The following IQGAP2 variants were observed in gnomAD, a reference collection of about 807,000 sequenced individuals.
IQGAP2 encodes ras GTPase-activating-like protein IQGAP2.
Under a neutral mutation model 201.3 loss-of-function variants are expected in IQGAP2, and 173 were observed. That is an observed-to-expected ratio of 0.86 (90% CI 0.76 to 0.98). The LOEUF (loss-of-function observed/expected upper bound fraction) is 0.98, where lower values mean the gene tolerates loss of function less well. Ranked by LOEUF, IQGAP2 falls within the 50% of genes least tolerant of loss-of-function variation. IQGAP2 has a pLI of 0.00. For missense variants in IQGAP2, 1,687 were observed against 1,864.8 expected, an observed-to-expected ratio of 0.90 and a Z score of 1.76; for synonymous variants, 675 against 673.9, an observed-to-expected ratio of 1.00 and a Z score of -0.03.
At chr5:76,466,450 C>A in intron 2 of IQGAP2, among the ~76,000 whole-genome samples, 1 of 152,170 alleles carries the variant, frequency 6.6e-6, no homozygotes, top group Admixed American at 6.5e-5. Context: ...TCAAAACGTA[C>A]TTACAAAGCC....
chr5:76,509,027 A>ATG (rs1213839028), intron 2 of IQGAP2, among the ~76,000 whole-genome samples: 3 of 83,708 alleles, frequency 3.6e-5, no homozygotes, highest in Non-Finnish European at 7.6e-5. Context: ...GGCTGTATAT[A>ATG]TATGTGTGTG....
intron 2 of IQGAP2, among the ~76,000 whole-genome samples, chr5:76,481,113 C>G (rs1183547668): frequency 2.0e-5 from 3 of 152,262 alleles, no homozygotes; most frequent in East Asian, 1.9e-4. Flanking sequence ...GGATCCACCT[C>G]TTAATGCTAT....
chr5:76,597,804 A>G (rs992392043), intron 10 of IQGAP2, among the ~76,000 whole-genome samples: 5 of 152,230 alleles, frequency 3.3e-5, no homozygotes, highest in Non-Finnish European at 5.9e-5. Flanking sequence ...ATCTAAGAGC[A>G]TAGTTAGGAA....
At chr5:76,594,005 G>C (rs967235535) in intron 9 of IQGAP2, among the ~76,000 whole-genome samples, 2 of 152,202 alleles carry the variant, frequency 1.3e-5, no homozygotes, top group Admixed American at 1.3e-4. Context: ...GAATGTGTTT[G>C]AGAATATGCC....
At chr5:76,539,020 T>C (rs960183534) in intron 2 of IQGAP2, among the ~76,000 whole-genome samples, 2 of 152,194 alleles carry the variant, frequency 1.3e-5, no homozygotes, top group African/African-American at 4.8e-5. Flanking sequence ...TCAGCCTCGT[T>C]TGTGAGCAGC....
intron 15 of IQGAP2, among the ~76,000 whole-genome samples, chr5:76,634,996 C>G (rs1561535020): frequency 6.6e-6 from 1 of 152,212 alleles, no homozygotes; most frequent in South Asian, 2.1e-4. Context: ...TACATTCAAA[C>G]TAGATGTGAA....
At chr5:76,429,023 G>A (rs1189651605) in intron 1 of IQGAP2, among the ~76,000 whole-genome samples, 2 of 150,560 alleles carry the variant, frequency 1.3e-5, no homozygotes, top group African/African-American at 4.9e-5. Flanking sequence ...AGGTTTCAGT[G>A]AGCCAAGATT....
chr5:76,423,106 A>G (rs1034055893), intron 1 of IQGAP2, among the ~76,000 whole-genome samples: 3 of 152,214 alleles, frequency 2.0e-5, no homozygotes, highest in Non-Finnish European at 4.4e-5. Flanking sequence ...GGATTTATCC[A>G]TTTTATTAGT....
At chr5:76,674,228 T>C (rs1392177344) in intron 26 of IQGAP2, among the ~76,000 whole-genome samples, 192 bp downstream of exon 26, 3 of 152,234 alleles carry the variant, frequency 2.0e-5, no homozygotes, top group Non-Finnish European at 4.4e-5. Flanking sequence ...TTATTGAAAT[T>C]CTTTGCATTA....
chr5:76,561,984 A>G (rs1043880119), intron 2 of IQGAP2, among the ~76,000 whole-genome samples: 5 of 152,196 alleles, frequency 3.3e-5, no homozygotes, highest in Non-Finnish European at 7.3e-5. Flanking sequence ...ACTTGGGACT[A>G]TGCACTCCCT....
chr5:76,626,978 C>T (rs1013259789), intron 13 of IQGAP2, among the ~76,000 whole-genome samples: 8 of 152,118 alleles, frequency 5.3e-5, no homozygotes, highest in South Asian at 2.1e-4. Context: ...AGGGCCATGC[C>T]GTTGGAGCCC....
chr5:76,659,104 T>C (rs1167617412), intron 21 of IQGAP2, among the ~76,000 whole-genome samples: 1 of 152,214 alleles, frequency 6.6e-6, no homozygotes. Flanking sequence ...CTAAGTTCAT[T>C]TGGAATCTAA....
intron 2 of IQGAP2, among the ~76,000 whole-genome samples, chr5:76,517,311 C>T (rs1368568555): frequency 6.6e-6 from 1 of 152,112 alleles, no homozygotes; most frequent in Non-Finnish European, 1.5e-5. Flanking sequence ...AGTACCAACT[C>T]ATATATTCCT....
intron 2 of IQGAP2, among the ~76,000 whole-genome samples, chr5:76,549,145 C>T (rs961304139): frequency 6.6e-6 from 1 of 152,064 alleles, no homozygotes; most frequent in African/African-American, 2.4e-5. Flanking sequence ...ATGAAAGGTA[C>T]CTACTATATG....
intron 12 of IQGAP2, 66 bp from the exon 13 acceptor site, chr5:76,610,954 T>A: frequency 7.4e-7 from 1 of 1,347,010 alleles, no homozygotes; most frequent in South Asian, 1.4e-5. Flanking sequence ...CCTTTTGCAA[T>A]CGGTGATACT....
intron 5 of IQGAP2, among the ~76,000 whole-genome samples, chr5:76,585,508 T>C (rs143314721): frequency 1.3e-5 from 2 of 151,162 alleles, no homozygotes; most frequent in East Asian, 3.9e-4. Flanking sequence ...CATTTCTTTT[T>C]TTCTTTTTTT....
At chr5:76,443,595 G>T (rs7737728) in intron 1 of IQGAP2, among the ~76,000 whole-genome samples, 130 of 151,966 alleles carry the variant, frequency 8.6e-4, no homozygotes, top group African/African-American at 3.1e-3. Context: ...CAGGTTTCCA[G>T]CTCTCTGAGC....
intron 2 of IQGAP2, among the ~76,000 whole-genome samples, chr5:76,504,191 A>G (rs1757462611): frequency 2.6e-5 from 4 of 151,804 alleles, no homozygotes; most frequent in Non-Finnish European, 4.4e-5. Flanking sequence ...TGTTCCTTTC[A>G]CCCAGTACTC....
At chr5:76,623,259 C>A in intron 13 of IQGAP2, 1 of 1,612,782 alleles carries the variant, frequency 6.2e-7, no homozygotes, top group Non-Finnish European at 8.5e-7. Flanking sequence ...GTCTCTTAAA[C>A]GTTATGAAAT....
Sources: allele counts gnomAD v4.1 joint callset (sites outside exome capture counted in the v4.1 genomes callset), GRCh38; gene constraint gnomAD v4.1.1; transcripts MANE v1.5; gene names NCBI Gene and HGNC (gene_info 2026-07-23, HGNC 2026-07-21).